The following CARF variants were observed in gnomAD, a reference collection of about 807,000 sequenced individuals.
The protein encoded by CARF is calcium-responsive transcription factor.
In CARF, 57 loss-of-function variants were observed where a neutral mutation model predicts 82.0. The ratio of observed to expected loss-of-function variants is 0.70; its 90% CI spans 0.56 to 0.87. The LOEUF (loss-of-function observed/expected upper bound fraction) is 0.87, where lower values mean the gene tolerates loss of function less well. Among genes scored for constraint, CARF ranks in the 40% least tolerant of loss-of-function variants. The probability of loss-of-function intolerance (pLI) is 0.00; values close to 1 mark genes in which losing one functional copy is unlikely to be tolerated. For synonymous variants in CARF, 268 were observed against 290.1 expected, an observed-to-expected ratio of 0.92 and a Z score of 0.77; for missense variants, 771 against 855.8, an observed-to-expected ratio of 0.90 and a Z score of 1.24.
chr2:202,945,865 T>TA (rs1332189088), intron 5 of CARF, among the ~76,000 whole-genome samples: 1 of 152,186 alleles, frequency 6.6e-6, no homozygotes, highest in Non-Finnish European at 1.5e-5. Context: ...GTTCTGTTTT[T>TA]ATCTCTTTGA....
chr2:202,960,252 A>T (rs912818212), intron 8 of CARF, among the ~76,000 whole-genome samples: 4 of 151,914 alleles, frequency 2.6e-5, no homozygotes, highest in Admixed American at 6.6e-5. Context: ...TCAGAGAAGG[A>T]TCTTCTTTTT....
chr2:202,918,083 T>C (rs1391716107), intron 2 of CARF, 40 bp downstream of exon 2: 1 of 442,830 alleles, frequency 2.3e-6, no homozygotes, highest in Non-Finnish European at 4.5e-6. Context: ...AACTTTATTT[T>C]AAAAAGTTAA....
chr2:202,961,584 TATA>T (rs2059323433), intron 9 of CARF, 158 bp downstream of exon 9: 1 of 618,704 alleles, frequency 1.6e-6, no homozygotes, highest in Non-Finnish European at 2.8e-6. Flanking sequence ...TTATAGAAAA[TATA>T]ATCAATTACT....
At chr2:202,916,995 A>G (rs555107344) in intron 1 of CARF, among the ~76,000 whole-genome samples, 5 of 152,078 alleles carry the variant, frequency 3.3e-5, no homozygotes, top group East Asian at 3.9e-4. Context: ...CGGATCACGA[A>G]GTCAGGAGAT....
At chr2:202,972,695 A>AG (rs59524692) in intron 12 of CARF, among the ~76,000 whole-genome samples, 1 of 147,672 alleles carries the variant, frequency 6.8e-6, no homozygotes, top group African/African-American at 2.5e-5. Context: ...AAAAAAAAAA[A>AG]GGCAGTGGCA....
chr2:202,982,428 C>T lies in CARF; in HGVS notation c.2046C>T (p.Asn682=). The change falls in exon 16 of 17, where the codon AAC becomes AAT. Residue 682 remains asparagine (N), a synonymous_variant. Transcript: ENST00000438828. ...CTATTCCAATACAGATTATAGACAACCACTCAGCTCTTAGTAAGTTGAAAT... is the reference window on the plus strand; with the variant it reads ...CTATTCCAATACAGATTATAGACAATCACTCAGCTCTTAGTAAGTTGAAAT... ...VQTIPIQIID[N]HSALIEENPE... The T allele has an allele frequency of 6.2e-7, 1 of 1,613,794 alleles. No homozygotes were observed. The highest frequency in any genetic ancestry group is 8.5e-7 in the Non-Finnish European group (1 of 1,179,946).
At chr2:202,969,585 AT>A in intron 10 of CARF, among the ~76,000 whole-genome samples, 1 of 137,526 alleles carries the variant, frequency 7.3e-6, no homozygotes, top group African/African-American at 3.1e-5. Flanking sequence ...CAAAAAATAA[AT>A]AAATAAATAA....
intron 12 of CARF, among the ~76,000 whole-genome samples, chr2:202,972,626 G>A (rs1033235078): frequency 2.8e-5 from 4 of 142,686 alleles, no homozygotes; most frequent in African/African-American, 1.0e-4. Flanking sequence ...GCAGTGAGCC[G>A]AGATCGCGCC....
intron 3 of CARF, among the ~76,000 whole-genome samples, chr2:202,929,760 T>C (rs549244090): frequency 6.6e-5 from 10 of 152,162 alleles, no homozygotes; most frequent in African/African-American, 2.4e-4. Flanking sequence ...GTTGTTGTTG[T>C]TGTTTTGTTT....
chr2:202,961,020 G>C (rs1401733046), intron 8 of CARF, among the ~76,000 whole-genome samples: 1 of 152,154 alleles, frequency 6.6e-6, no homozygotes, highest in African/African-American at 2.4e-5. Flanking sequence ...CGTTGATAAA[G>C]ATAGTATGGC....
At chr2:202,923,286 A>G (rs1402203151) in intron 2 of CARF, among the ~76,000 whole-genome samples, 2 of 152,192 alleles carry the variant, frequency 1.3e-5, no homozygotes, top group Non-Finnish European at 2.9e-5. Context: ...CGGGTACAAA[A>G]TTAATGTACA....
intron 9 of CARF, chr2:202,962,850 G>A (rs2059379881): frequency 6.6e-6 from 1 of 151,716 alleles, no homozygotes; most frequent in Non-Finnish European, 1.5e-5. Flanking sequence ...TTTTTCTATT[G>A]ATCATCATTT....
intron 8 of CARF, among the ~76,000 whole-genome samples, chr2:202,959,681 C>T (rs947300332): frequency 6.6e-6 from 1 of 151,858 alleles, no homozygotes; most frequent in Admixed American, 6.6e-5. Flanking sequence ...TGGTGATGCA[C>T]GCCTGTAATC....
chr2:202,966,722 A>T (rs1423518785), intron 9 of CARF, among the ~76,000 whole-genome samples: 2 of 152,180 alleles, frequency 1.3e-5, no homozygotes, highest in African/African-American at 4.8e-5. Flanking sequence ...AAAAAAAAAA[A>T]TTATATGCCA....
In CARF at chr2:202,982,142, C is replaced by A; in HGVS notation, c.1760C>A (p.Pro587Gln). 1 of 1,614,048 alleles carries A rather than the reference C, an allele frequency of 6.2e-7. No individual in the cohort carries two copies. Among genetic ancestry groups the A allele is most frequent in the Non-Finnish European group, 8.5e-7 (1 of 1,179,926 alleles). Residue 587 changes from proline (P) to glutamine (Q), a missense_variant, in exon 16 of 17, where the codon CCG (proline) becomes CAG (glutamine). Pro to Gln is a moderately conservative substitution (Grantham distance 76). Coordinates refer to ENST00000438828, the MANE Select transcript of CARF (RefSeq NM_024744.17). ...SPAVVSVNNQ[P>Q]SSSPSGLLDT... Reference sequence around the variant, plus strand: ...GCTGTGGTATCAGTAAATAACCAGCCGTCCTCTAGTCCTTCAGGACTTCTG... The same window carrying A: ...GCTGTGGTATCAGTAAATAACCAGCAGTCCTCTAGTCCTTCAGGACTTCTG...
At chr2:202,920,318 A>G (rs542217380) in intron 2 of CARF, among the ~76,000 whole-genome samples, 1 of 152,018 alleles carries the variant, frequency 6.6e-6, no homozygotes, top group South Asian at 2.1e-4. Context: ...ATGCCCGGCT[A>G]ATGTTTTTTT....
intron 3 of CARF, 24 bp from the exon 4 acceptor site, chr2:202,941,836 G>C (rs1203206724): frequency 8.0e-7 from 1 of 1,245,326 alleles, no homozygotes; most frequent in Non-Finnish European, 1.2e-6. Flanking sequence ...TGCTTTAGTT[G>C]ATCAGCTATT....
At chr2:202,925,559 T>G (rs778476763) in intron 3 of CARF, 2 of 244,376 alleles carry the variant, frequency 8.2e-6, no homozygotes, top group Non-Finnish European at 1.6e-5. Flanking sequence ...CTGCGTCACA[T>G]GAAGACAGAT....
intron 12 of CARF, among the ~76,000 whole-genome samples, chr2:202,972,681 A>AAAG (rs1459410090): frequency 6.7e-6 from 1 of 149,768 alleles, no homozygotes; most frequent in East Asian, 1.9e-4. Flanking sequence ...GTCTAAAAAA[A>AAAG]AAAAAAAAAA....
Sources: allele counts gnomAD v4.1 joint callset (sites outside exome capture counted in the v4.1 genomes callset), GRCh38; gene constraint gnomAD v4.1.1; transcripts MANE v1.5; gene names NCBI Gene and HGNC (gene_info 2026-07-23, HGNC 2026-07-21).